The following IL1RAPL2 variants were observed in gnomAD, a reference collection of about 807,000 sequenced individuals.
The protein encoded by IL1RAPL2 is X-linked interleukin-1 receptor accessory protein-like 2.
Under a neutral mutation model 44.1 loss-of-function variants are expected in IL1RAPL2, and 3 were observed. The ratio of observed to expected loss-of-function variants is 0.07; its 90% CI spans 0.03 to 0.18. The LOEUF is 0.18. Ranked by LOEUF, IL1RAPL2 falls within the 10% of genes least tolerant of loss-of-function variation. IL1RAPL2 has a pLI of 1.00. For synonymous variants in IL1RAPL2, 181 were observed against 178.8 expected (o/e 1.01, Z -0.10); for missense variants, 391 against 496.4 (o/e 0.79, Z 2.02).
chrX:105,388,356 A>ATTTTTTTTTT (rs772573698), intron 5 of IL1RAPL2, among the ~76,000 whole-genome samples: 3 of 61,269 alleles, frequency 4.9e-5, no homozygotes, highest in African/African-American at 3.1e-4. Flanking sequence ...ACCAAAGCAG[A>ATTTTTTTTTT]TTTTTTTTTT....
chrX:104,714,029 G>T (rs1036549229), intron 2 of IL1RAPL2, among the ~76,000 whole-genome samples: 9 of 110,774 alleles, frequency 8.1e-5, no homozygotes, highest in African/African-American at 2.6e-4. Context: ...AGACTATGGG[G>T]TTTTTTTAGA....
At chrX:105,017,853 A>G (rs960490202) in intron 2 of IL1RAPL2, among the ~76,000 whole-genome samples, 7 of 104,937 alleles carry the variant, frequency 6.7e-5, no homozygotes, top group African/African-American at 2.9e-4. Flanking sequence ...GGAAGTTTGG[A>G]AAAAAGTGAC....
intron 2 of IL1RAPL2, among the ~76,000 whole-genome samples, chrX:104,703,186 T>C (rs1931307266): frequency 9.0e-6 from 1 of 111,432 alleles, no homozygotes. Context: ...TTATTTTTGC[T>C]CTCTTAAGAC....
intron 2 of IL1RAPL2, among the ~76,000 whole-genome samples, chrX:104,798,707 G>C (rs781649919): frequency 2.7e-5 from 3 of 110,650 alleles, no homozygotes; most frequent in African/African-American, 9.9e-5. Context: ...CACTTACTAA[G>C]TTTCAAGCCC....
intron 2 of IL1RAPL2, among the ~76,000 whole-genome samples, chrX:105,081,094 T>A (rs1174631815): frequency 1.8e-5 from 2 of 111,737 alleles, no homozygotes; most frequent in Non-Finnish European, 3.8e-5. Context: ...CTGAAGTTGC[T>A]TATCAGCTTC....
chrX:105,426,901 C>T (rs1403300822), intron 5 of IL1RAPL2, among the ~76,000 whole-genome samples: 3 of 112,024 alleles, frequency 2.7e-5, no homozygotes, highest in Non-Finnish European at 3.8e-5. Flanking sequence ...GTCCCAATTA[C>T]ACTTCAATGA....
chrX:105,623,929 T>C (rs1208657276), intron 6 of IL1RAPL2, among the ~76,000 whole-genome samples: 1 of 111,253 alleles, frequency 9.0e-6, no homozygotes, highest in African/African-American at 3.3e-5. Context: ...TAATAGGATG[T>C]AATAAGAAAC....
intron 1 of IL1RAPL2, among the ~76,000 whole-genome samples, chrX:104,584,510 T>TG (rs1410746352): frequency 9.1e-6 from 1 of 110,414 alleles, no homozygotes; most frequent in African/African-American, 3.3e-5. Context: ...GATCTCCTTT[T>TG]GGGGCAGTGT....
At chrX:105,541,906 A>G (rs5916923) in intron 6 of IL1RAPL2, among the ~76,000 whole-genome samples, 39,530 of 109,102 alleles carry the variant, frequency 0.36, 5,779 homozygotes, top group South Asian at 0.51. Flanking sequence ...CATTCCCACC[A>G]CCCCCACACC....
chrX:105,746,290 T>C (rs1224607764), intron 8 of IL1RAPL2, among the ~76,000 whole-genome samples: 1 of 112,473 alleles, frequency 8.9e-6, no homozygotes, highest in Admixed American at 9.4e-5. Flanking sequence ...TACAAGCCCA[T>C]AAATATTTGC....
chrX:105,479,468 C>T (rs909368107), intron 5 of IL1RAPL2, among the ~76,000 whole-genome samples: 6 of 110,603 alleles, frequency 5.4e-5, no homozygotes, highest in Non-Finnish European at 7.6e-5. Flanking sequence ...GGCTGGGCAC[C>T]GTGGCTCACA....
At chrX:104,607,676 C>T (rs768654869) in intron 1 of IL1RAPL2, among the ~76,000 whole-genome samples, 1 of 111,968 alleles carries the variant, frequency 8.9e-6, no homozygotes, top group East Asian at 2.8e-4. Context: ...ATCAAAACCA[C>T]AGTGAGATAC....
At chrX:105,025,298 G>T (rs1458795510) in intron 2 of IL1RAPL2, among the ~76,000 whole-genome samples, 1 of 111,188 alleles carries the variant, frequency 9.0e-6, no homozygotes, top group Non-Finnish European at 1.9e-5. Flanking sequence ...TACTTATTGG[G>T]CAACCATGTG....
chrX:105,496,720 T>A (rs1417975488), intron 6 of IL1RAPL2, among the ~76,000 whole-genome samples: 1 of 112,099 alleles, frequency 8.9e-6, no homozygotes, highest in African/African-American at 3.2e-5. Flanking sequence ...AGTGAATAAA[T>A]GATTGTTAGC....
At chrX:105,704,678 T>C (rs1211907665) in intron 6 of IL1RAPL2, among the ~76,000 whole-genome samples, 1 of 111,300 alleles carries the variant, frequency 9.0e-6, no homozygotes, top group Non-Finnish European at 1.9e-5. Flanking sequence ...GTTTGTTACA[T>C]AGGTAAACAT....
In IL1RAPL2 at chrX:105,755,219, A is replaced by G; in HGVS notation, c.1235A>G (p.Asp412Gly). 1 of 1,200,277 alleles carries G rather than the reference A, an allele frequency of 8.3e-7. No homozygotes were observed. Among genetic ancestry groups the G allele is most frequent in the Non-Finnish European group, 1.1e-6 (1 of 886,132 alleles). Reference protein sequence around the residue: ...YDAYLSYTKVDQDTLDCDNPE... With the variant: ...YDAYLSYTKVGQDTLDCDNPE... ...GCCTATCTCTCTTACACAAAAGTGG[A>G]CCAAGATACTTTAGACTGTGACAAT... is the stretch of plus-strand genomic sequence containing the variant. The change falls in exon 10 of 11, where the codon GAC becomes GGC. Residue 412 changes from aspartate to glycine, a missense_variant. Physicochemically the swap from Asp to Gly is moderately conservative, Grantham distance 94. Coordinates refer to ENST00000372582, the MANE Select transcript of IL1RAPL2 (RefSeq NM_017416.2).
chrX:105,230,504 CAT>C (rs781832865), intron 3 of IL1RAPL2, among the ~76,000 whole-genome samples: 3 of 107,016 alleles, frequency 2.8e-5, no homozygotes, highest in African/African-American at 6.7e-5. Context: ...ATTAATTATA[CAT>C]ATATATAATT....
At chrX:104,779,891 G>A (rs962117905) in intron 2 of IL1RAPL2, among the ~76,000 whole-genome samples, 18 of 108,574 alleles carry the variant, frequency 1.7e-4, no homozygotes, top group African/African-American at 6.0e-4. Flanking sequence ...TATAGTACCA[G>A]AAAAAAAAAT....
At chrX:104,811,301 G>GA (rs937973080) in intron 2 of IL1RAPL2, among the ~76,000 whole-genome samples, 7 of 111,297 alleles carry the variant, frequency 6.3e-5, no homozygotes, top group Non-Finnish European at 9.5e-5. Flanking sequence ...TAAAGACAGT[G>GA]AAAAAAAAGC....
Sources: allele counts gnomAD v4.1 joint callset (sites outside exome capture counted in the v4.1 genomes callset), GRCh38; gene constraint gnomAD v4.1.1; transcripts MANE v1.5; gene names NCBI Gene and HGNC (gene_info 2026-07-23, HGNC 2026-07-21).